Variants in SLC25A16 observed in about 807,000 individuals in gnomAD.
SLC25A16 encodes the protein mitochondrial coenzyme A transporter SLC25A16.
Under a neutral mutation model 41.5 loss-of-function variants are expected in SLC25A16, and 39 were observed. The ratio of observed to expected loss-of-function variants is 0.94; its 90% CI spans 0.73 to 1.23. The LOEUF (loss-of-function observed/expected upper bound fraction) is 1.23, where lower values mean the gene tolerates loss of function less well. Among genes scored for constraint, SLC25A16 ranks in the 50% most tolerant of loss-of-function variants. SLC25A16 has a pLI of 0.00. For missense variants in SLC25A16, 421 were observed against 426.9 expected (o/e 0.99, Z 0.12); for synonymous variants, 146 against 147.8 (o/e 0.99, Z 0.09).
At chr10:68,525,004 G>A (rs571802350) in intron 1 of SLC25A16, among the ~76,000 whole-genome samples, 4 of 151,634 alleles carry the variant, frequency 2.6e-5, no homozygotes, top group Non-Finnish European at 4.4e-5. Flanking sequence ...CCAAGATCAC[G>A]CCACTGCACT....
intron 2 of SLC25A16, among the ~76,000 whole-genome samples, chr10:68,515,859 T>C (rs2053153812): frequency 6.6e-6 from 1 of 152,172 alleles, no homozygotes; most frequent in Non-Finnish European, 1.5e-5. Context: ...TACGTGTGCC[T>C]GTGAACAATG....
At position 68,525,629 on chromosome 10, in the gene SLC25A16, AT is replaced by A. The variant is rs1812885365; in HGVS notation, c.130+1616del. Among the ~76,000 whole-genome samples, 4 of 152,188 alleles carry A rather than the reference AT, an allele frequency of 2.6e-5. No homozygotes were observed. In the South Asian group the frequency reaches 8.3e-4, roughly 32 times the overall value. ...CCACTGCACACAACTTCAATGTGGA[AT>A]TTTTAAATTTTTGAATCTTAAATAA... On this transcript the variant is annotated intron_variant, in intron 1 of 8. Coordinates refer to ENST00000609923, the MANE Select transcript of SLC25A16 (RefSeq NM_152707.4).
chr10:68,508,804 T>C (rs2053004688), intron 2 of SLC25A16, among the ~76,000 whole-genome samples: 1 of 152,098 alleles, frequency 6.6e-6, no homozygotes, highest in Non-Finnish European at 1.5e-5. Flanking sequence ...CAAAAGTGTT[T>C]GTAATAATTA....
chr10:68,521,330 G>A (rs980561907), intron 1 of SLC25A16, among the ~76,000 whole-genome samples: 27 of 152,044 alleles, frequency 1.8e-4, no homozygotes, highest in African/African-American at 6.3e-4. Flanking sequence ...CTTGAGCTCA[G>A]TTCGAGACCA....
chr10:68,527,496 G>GGCGGC lies in SLC25A16; in HGVS notation c.-126_-122dup. The GGCGGC allele has an allele frequency of 3.2e-6, 3 of 937,986 alleles. No homozygotes were observed. Among genetic ancestry groups the GGCGGC allele is most frequent in the Non-Finnish European group, 4.5e-6 (3 of 668,488 alleles). The allele number at this position is 937,986 out of a possible 1,614,324, so 58.1% of individuals were successfully genotyped here. On this transcript the variant is annotated 5_prime_UTR_variant, in exon 1 of 9. Coordinates refer to ENST00000609923, the MANE Select transcript of SLC25A16 (RefSeq NM_152707.4). The stretch of plus-strand genomic sequence containing the variant: ...CCGCCGGCGGGGCAAAGTAACACCC[G>GGCGGC]GCGGCGCGGCGCCGGCTGATGGCGT...
Position 68,480,654 on chromosome 10 carries a change from G to A in SLC25A16, c.*2778C>T, listed in dbSNP as rs1462048136. On this transcript the variant is annotated 3_prime_UTR_variant, in exon 9 of 9. Coordinates refer to ENST00000609923, the MANE Select transcript of SLC25A16 (RefSeq NM_152707.4). ...TGGGACTACAGGTGCGTGCCACCAC[G>A]CCCAGCTAATTTTTTGTATTTTTAG... 12 of 151,598 alleles carry A rather than the reference G, an allele frequency of 7.9e-5. No individual in the cohort carries two copies. Among genetic ancestry groups the A allele is most frequent in the South Asian group, 4.2e-4 (2 of 4,810 alleles). 9.4% of individuals were successfully genotyped at this position (151,598 alleles called of 1,614,324 possible).
At chr10:68,518,810 TTAAATAAA>T (rs939521182) in intron 1 of SLC25A16, among the ~76,000 whole-genome samples, 1 of 94,488 alleles carries the variant, frequency 1.1e-5, no homozygotes, top group Non-Finnish European at 2.2e-5. Context: ...AATAAATAAA[TTAAATAAA>T]TAAATAAATA....
chr10:68,524,370 C>T (rs1439043947), intron 1 of SLC25A16, among the ~76,000 whole-genome samples: 2 of 143,572 alleles, frequency 1.4e-5, no homozygotes, highest in Non-Finnish European at 3.0e-5. Flanking sequence ...GGTAAAACTT[C>T]GTCTCTACTA....
intron 3 of SLC25A16, among the ~76,000 whole-genome samples, chr10:68,506,172 C>T (rs1395723624): frequency 1.3e-5 from 2 of 152,134 alleles, no homozygotes; most frequent in Non-Finnish European, 2.9e-5. Flanking sequence ...ATTGCTATAT[C>T]AAAAGTAACT....
chr10:68,488,760 G>A, intron 6 of SLC25A16, 131 bp from the exon 7 acceptor site: 3 of 743,866 alleles, frequency 4.0e-6, no homozygotes, highest in Non-Finnish European at 6.3e-6. Context: ...AAAGATTTGT[G>A]TACATAAATA....
rs764273049 is a variant in SLC25A16 at position 68,493,549 on chromosome 10, G to C, written c.443C>G (p.Thr148Ser). The change falls in exon 5 of 9, where the codon ACT becomes AGT. Residue 148 changes from threonine (T) to serine (S), a missense_variant. Transcript: ENST00000609923. The stretch of plus-strand genomic sequence containing the variant: ...GACCCTAACCATGTCAAGAGGGTAA[G>C]TACAGATAACTGCTGTCATACCTGA... ...SMAGMTAVICTYPLDMVRVRL... is the reference protein window; with the variant it reads ...SMAGMTAVICSYPLDMVRVRL... 1 of 1,612,928 alleles carries C rather than the reference G, an allele frequency of 6.2e-7. No individual in the cohort carries two copies. Among genetic ancestry groups the C allele is most frequent in the African/African-American group, 1.3e-5 (1 of 74,994 alleles).
rs1336753309 is a variant in SLC25A16, at chr10:68,506,581, C to A, written c.357+4G>T. The A allele has an allele frequency of 5.1e-6, 8 of 1,559,778 alleles. No homozygotes were observed. Among genetic ancestry groups the A allele is most frequent in the Non-Finnish European group, 6.9e-6 (8 of 1,156,278 alleles). On this transcript the variant is annotated splice_donor_region_variant and intron_variant, in intron 3 of 8. Transcript: ENST00000609923. ...CAAAAGAGAAAAGATCAAAGTTTAACTACCGTTTTATAATGCTCAAATGCC... is the reference window on the plus strand; with the variant it reads ...CAAAAGAGAAAAGATCAAAGTTTAAATACCGTTTTATAATGCTCAAATGCC...
chr10:68,506,531 C>A (rs907442378), intron 3 of SLC25A16, 54 bp downstream of exon 3: 1 of 1,273,752 alleles, frequency 7.9e-7, no homozygotes, highest in East Asian at 2.7e-5. Context: ...AATGCCTGGT[C>A]AAGCATGCAT....
At chr10:68,522,878 C>T (rs971104741) in intron 1 of SLC25A16, among the ~76,000 whole-genome samples, 3 of 149,594 alleles carry the variant, frequency 2.0e-5, no homozygotes, top group African/African-American at 4.9e-5. Context: ...GTCCCAGCTA[C>T]TCTGGAAGCT....
At chr10:68,486,931 C>T (rs112350204) in intron 8 of SLC25A16, 21 of 324,004 alleles carry the variant, frequency 6.5e-5, no homozygotes, top group African/African-American at 1.0e-4. Flanking sequence ...CACTCCAGCC[C>T]GGGTGACAGA....
At chr10:68,485,749 T>C (rs2052548946) in intron 8 of SLC25A16, among the ~76,000 whole-genome samples, 1 of 151,180 alleles carries the variant, frequency 6.6e-6, no homozygotes, top group African/African-American at 2.4e-5. Flanking sequence ...ATCTCAGCTC[T>C]TTGCCTCCTG....
chr10:68,515,889 A>C (rs2133585108), intron 2 of SLC25A16, among the ~76,000 whole-genome samples: 1 of 152,268 alleles, frequency 6.6e-6, no homozygotes, highest in Middle Eastern at 3.4e-3. Context: ...AATCCCAATA[A>C]ACATGTAATA....
At position 68,508,383 on chromosome 10, in the gene SLC25A16, A is replaced by G. The variant is rs1270210496; in HGVS notation, c.224-1665T>C. On this transcript the variant is annotated intron_variant, in intron 2 of 8. Coordinates refer to ENST00000609923, the MANE Select transcript of SLC25A16 (RefSeq NM_152707.4). ...AGAACAGAGGATACAAAATGTGGAT[A>G]GGAGAGTAACAGGAAGCTTTAAAAA... Among the ~76,000 whole-genome samples, 4 of 144,250 alleles carry G rather than the reference A, an allele frequency of 2.8e-5. No homozygotes were observed. In the East Asian group the frequency reaches 8.4e-4, roughly 30 times the overall value. The allele number at this position is 144,250 out of a possible 152,430, so 94.6% of individuals were successfully genotyped here. A position where few individuals can be genotyped will look rare whatever the true frequency, so the allele number is the denominator to read the frequency against.
chr10:68,498,635 G>A (rs1564916203), intron 4 of SLC25A16, among the ~76,000 whole-genome samples: 1 of 152,172 alleles, frequency 6.6e-6, no homozygotes, highest in Non-Finnish European at 1.5e-5. Context: ...GTTAGAGGCT[G>A]CAGTAACTAT....
Sources: allele counts gnomAD v4.1 joint callset (sites outside exome capture counted in the v4.1 genomes callset), GRCh38; gene constraint gnomAD v4.1.1; transcripts MANE v1.5; gene names NCBI Gene and HGNC (gene_info 2026-07-23, HGNC 2026-07-21).